Variants in AAK1 observed in about 807,000 individuals in gnomAD.
AAK1 encodes AP2-associated protein kinase 1.
In AAK1, 37 loss-of-function variants were observed where a neutral mutation model predicts 116.0. That is an observed-to-expected ratio of 0.32 (90% CI 0.25 to 0.42). The LOEUF (loss-of-function observed/expected upper bound fraction) is 0.42, where lower values mean the gene tolerates loss of function less well. AAK1 is among the 10% of genes least tolerant of loss of function. AAK1 has a pLI of 1.00. For missense variants in AAK1, 919 were observed against 1,170.6 expected (o/e 0.79, Z 3.14); for synonymous variants, 458 against 439.9 (o/e 1.04, Z -0.51).
rs1415479387 is a variant in AAK1, at chr2:69,643,599, C to G, written c.-259G>C. On this transcript the variant is annotated 5_prime_UTR_variant, in exon 1 of 22. Transcript: ENST00000409085. ...CTTGAGACGGCTCGGCGGCCGGCGC[C>G]CTGCTACCAGCCCCGCGACATTGTC... 2.4e-6 allele frequency: 3 copies of G among 1,228,900 alleles called. No individual in the cohort carries two copies. Among genetic ancestry groups the G allele is most frequent in the Non-Finnish European group, 2.0e-6 (2 of 986,316 alleles). The allele number at this position is 1,228,900 out of a possible 1,614,324, so 76.1% of individuals were successfully genotyped here. A position where few individuals can be genotyped will look rare whatever the true frequency, so the allele number is the denominator to read the frequency against.
At chr2:69,572,620 TAAAAAAAAA>T (rs768419313) in intron 2 of AAK1, among the ~76,000 whole-genome samples, 1 of 106,878 alleles carries the variant, frequency 9.4e-6, no homozygotes, top group Non-Finnish European at 1.9e-5. Context: ...ACTCTGTCTT[TAAAAAAAAA>T]AAAAAAAAAA....
intron 10 of AAK1, among the ~76,000 whole-genome samples, chr2:69,523,510 T>C (rs920517755): frequency 6.6e-6 from 1 of 152,242 alleles, no homozygotes; most frequent in African/African-American, 2.4e-5. Context: ...AATTCACATA[T>C]TCCCATCCAG....
intron 16 of AAK1, among the ~76,000 whole-genome samples, chr2:69,498,772 C>T (rs960533056): frequency 3.3e-5 from 5 of 152,166 alleles, no homozygotes; most frequent in Admixed American, 2.0e-4. Flanking sequence ...CAAAGACATA[C>T]GGCACCTGCT....
intron 21 of AAK1, 55 bp downstream of exon 21, chr2:69,476,825 T>G (rs1674874669): frequency 1.6e-6 from 2 of 1,284,122 alleles, no homozygotes; most frequent in Admixed American, 4.0e-5. Context: ...GGTGCATGAC[T>G]ATTTTGAAGA....
intron 2 of AAK1, among the ~76,000 whole-genome samples, chr2:69,577,500 G>A (rs937794346): frequency 3.9e-5 from 6 of 152,132 alleles, no homozygotes; most frequent in Admixed American, 6.5e-5. Flanking sequence ...ACTCATTCCA[G>A]GTGAAACATC....
At chr2:69,537,451 G>A (rs537583452) in intron 5 of AAK1, among the ~76,000 whole-genome samples, 13 of 152,258 alleles carry the variant, frequency 8.5e-5, no homozygotes, top group African/African-American at 2.9e-4. Context: ...CACAGGCAGA[G>A]TGGCGCTGGC....
Position 69,473,063 on chromosome 2 carries a change from T to G in AAK1, c.*2806A>C, listed in dbSNP as rs891493061. On this transcript the variant is annotated 3_prime_UTR_variant, in exon 22 of 22. Coordinates refer to ENST00000409085, the MANE Select transcript of AAK1 (RefSeq NM_014911.5). ...ATATAATAATATATACTTAGGACCC[T>G]ATACTTCTATAATCTTAAAGACCAT... The G allele has an allele frequency of 1.0e-6, 1 of 957,410 alleles. No homozygotes were observed. Among genetic ancestry groups the G allele is most frequent in the East Asian group, 1.2e-4 (1 of 8,684 alleles). 59.3% of individuals were successfully genotyped at this position (957,410 alleles called of 1,614,324 possible).
chr2:69,495,457 A>G (rs1461897511), intron 17 of AAK1, among the ~76,000 whole-genome samples: 1 of 152,216 alleles, frequency 6.6e-6, no homozygotes, highest in African/African-American at 2.4e-5. Flanking sequence ...AGAGCCTGGA[A>G]GGGAACCCAG....
chr2:69,594,801 T>G, intron 2 of AAK1: 1 of 1,314,144 alleles, frequency 7.6e-7, no homozygotes, highest in East Asian at 2.3e-5. Flanking sequence ...AATGCTTGCC[T>G]CTTTTAATAG....
At chr2:69,509,579 T>C in intron 13 of AAK1, 119 bp from the exon 14 acceptor site, 1 of 808,948 alleles carries the variant, frequency 1.2e-6, no homozygotes, top group Non-Finnish European at 1.9e-6. Flanking sequence ...AACATGAAAC[T>C]CACATGGCTA....
chr2:69,578,826 C>T (rs566878038), intron 2 of AAK1, among the ~76,000 whole-genome samples: 35 of 144,100 alleles, frequency 2.4e-4, no homozygotes, highest in Middle Eastern at 7.2e-3. Flanking sequence ...TTTTTTCAGA[C>T]GGAGTCTCGC....
At chr2:69,482,877 T>C in intron 17 of AAK1, 65 bp from the exon 18 acceptor site, 1 of 977,072 alleles carries the variant, frequency 1.0e-6, no homozygotes, top group Non-Finnish European at 1.6e-6. Context: ...CAGCGGATCA[T>C]TCACTATTCT....
At chr2:69,639,195 T>C (rs1304216091) in intron 2 of AAK1, among the ~76,000 whole-genome samples, 1 of 152,192 alleles carries the variant, frequency 6.6e-6, no homozygotes, top group Non-Finnish European at 1.5e-5. Context: ...CAGAATGTTG[T>C]CTTCAACACA....
At chr2:69,605,832 C>T (rs1440808891) in intron 2 of AAK1, among the ~76,000 whole-genome samples, 1 of 152,104 alleles carries the variant, frequency 6.6e-6, no homozygotes, top group Admixed American at 6.5e-5. Context: ...GCCCCTAATT[C>T]CTGGTAACCA....
chr2:69,628,403 T>A (rs1345663530), intron 2 of AAK1, among the ~76,000 whole-genome samples: 1 of 152,142 alleles, frequency 6.6e-6, no homozygotes, highest in African/African-American at 2.4e-5. Context: ...TTAAAAACCA[T>A]GTTTGCACTA....
At position 69,525,043 on chromosome 2, in the gene AAK1, G is replaced by T; in HGVS notation, c.1045C>A (p.Pro349Thr). The stretch of plus-strand genomic sequence containing the variant: ...GAAGGCATTTCTTACCTGGCCTTTG[G>T]CTGGGTCTTTTTTGCAGCTGCCTCA... ...ASEAAAKKTQPKARLTDPIPT... is the reference protein window; with the variant it reads ...ASEAAAKKTQTKARLTDPIPT... The change falls in exon 10 of 22, where the codon CCA becomes ACA. Residue 349 changes from proline (P) to threonine (T), a missense_variant. Physicochemically the swap from Pro to Thr is conservative, Grantham distance 38. Transcript: ENST00000409085. 5.6e-6 allele frequency: 9 copies of T among 1,613,932 alleles called. No individual in the cohort carries two copies. The highest frequency in any genetic ancestry group is 7.6e-6 in the Non-Finnish European group (9 of 1,179,818).
intron 2 of AAK1, among the ~76,000 whole-genome samples, chr2:69,613,313 A>G (rs1008038172): frequency 8.5e-5 from 13 of 152,132 alleles, no homozygotes; most frequent in African/African-American, 3.1e-4. Context: ...CCTTGTAGTA[A>G]TTTCCTGAGT....
chr2:69,500,698 T>TATGTATATACACACACAC, intron 16 of AAK1, among the ~76,000 whole-genome samples: 2 of 65,102 alleles, frequency 3.1e-5, no homozygotes, highest in African/African-American at 1.6e-4. Flanking sequence ...TATATATATA[T>TATGTATATACACACACAC]ACACACACAC....
At chr2:69,626,670 T>A (rs1482382468) in intron 2 of AAK1, among the ~76,000 whole-genome samples, 2 of 149,666 alleles carry the variant, frequency 1.3e-5, no homozygotes, top group East Asian at 2.0e-4. Context: ...TGGCTTTTTT[T>A]TTTTTTTTTT....
Sources: gnomAD v4.1 joint callset for allele counts (sites outside exome capture counted in the v4.1 genomes callset) on GRCh38, gnomAD v4.1.1 for gene constraint, MANE v1.5 for transcripts, NCBI Gene and HGNC (gene_info 2026-07-23, HGNC 2026-07-21) for gene names.